OTUD7B: variants seen among roughly 807,000 people sequenced by gnomAD.
OTUD7B encodes OTU deubiquitinase 7B, also known as OTU domain-containing protein 7B.
Under a neutral mutation model 82.2 loss-of-function variants are expected in OTUD7B, and 34 were observed. The ratio of observed to expected loss-of-function variants is 0.41; its 90% confidence interval spans 0.31 to 0.55. The LOEUF (loss-of-function observed/expected upper bound fraction) is 0.55, where lower values mean the gene tolerates loss of function less well. Among genes scored for constraint, OTUD7B ranks in the 20% least tolerant of loss-of-function variants. The pLI is 0.20. For missense variants in OTUD7B, 944 were observed against 1,062.1 expected (o/e 0.89, Z 1.55); for synonymous variants, 398 against 402.7 (o/e 0.99, Z 0.14).
At chr1:149,962,536 T>C (rs1192776694) in intron 6 of OTUD7B, 1 of 152,190 alleles carries the variant, frequency 6.6e-6, no homozygotes, top group Admixed American at 6.5e-5. Flanking sequence ...TCTATGCATG[T>C]TGGGGACTTT....
At chr1:150,022,510 T>C in the OTUD7B span, among the ~76,000 whole-genome samples, 2 of 150,622 alleles carry the variant, frequency 1.3e-5, no homozygotes, top group East Asian at 3.9e-4. Context: ...AAAAGAGCCG[T>C]AACCACATGT....
chr1:150,039,259 T>C, the OTUD7B span, among the ~76,000 whole-genome samples: 1 of 152,216 alleles, frequency 6.6e-6, no homozygotes, highest in Non-Finnish European at 1.5e-5. Flanking sequence ...TCTCTCTTCA[T>C]ATGTCAAATT....
chr1:149,976,633 A>AAT (rs1176193849), intron 2 of OTUD7B, among the ~76,000 whole-genome samples: 1,354 of 102,410 alleles, frequency 0.013, 121 homozygotes, highest in African/African-American at 0.016. Context: ...AAAAAAAAAT[A>AAT]CTAGAACATT....
chr1:150,059,309 CCG>C, the OTUD7B span, among the ~76,000 whole-genome samples: 1 of 49,644 alleles, frequency 2.0e-5, no homozygotes, highest in African/African-American at 5.8e-5. Context: ...CCCCCCCCCC[CCG>C]CCTCCCAAAA....
At chr1:149,969,912 G>C (rs1047100561) in intron 3 of OTUD7B, among the ~76,000 whole-genome samples, 10 of 151,988 alleles carry the variant, frequency 6.6e-5, no homozygotes, top group African/African-American at 2.4e-4. Flanking sequence ...ATGTAGGCCA[G>C]GCTGGTCTCG....
intron 9 of OTUD7B, 123 bp from the exon 10 acceptor site, chr1:149,949,206 G>A (rs754700338): frequency 3.9e-5 from 25 of 642,172 alleles, no homozygotes; most frequent in African/African-American, 1.6e-4. Context: ...ATTCTTACAC[G>A]TGAATTACCC....
intron 1 of OTUD7B, among the ~76,000 whole-genome samples, chr1:149,993,665 A>G (rs1037859323): frequency 2.0e-5 from 3 of 152,232 alleles, no homozygotes; most frequent in African/African-American, 7.2e-5. Context: ...TTTTATGATA[A>G]TATCTAACCA....
intron 10 of OTUD7B, 35 bp from the exon 11 acceptor site, chr1:149,947,370 T>A: frequency 7.7e-7 from 1 of 1,292,400 alleles, no homozygotes; most frequent in Non-Finnish European, 1.1e-6. Flanking sequence ...TACTGTCACC[T>A]TTTAAAAGCA....
At chr1:150,053,662 C>A in the OTUD7B span, among the ~76,000 whole-genome samples, 4 of 152,112 alleles carry the variant, frequency 2.6e-5, no homozygotes, top group African/African-American at 9.7e-5. Flanking sequence ...TCCCAAAGTG[C>A]TTGGATTACA....
chr1:150,017,758 T>C, the OTUD7B span, among the ~76,000 whole-genome samples: 1 of 152,210 alleles, frequency 6.6e-6, no homozygotes, highest in African/African-American at 2.4e-5. Flanking sequence ...GGTTATTGCT[T>C]TGGGGCATTT....
At chr1:150,020,352 A>G in the OTUD7B span, among the ~76,000 whole-genome samples, 1 of 152,142 alleles carries the variant, frequency 6.6e-6, no homozygotes, top group Non-Finnish European at 1.5e-5. Flanking sequence ...CCTGAATAAC[A>G]TGGTGAAACC....
intron 1 of OTUD7B, among the ~76,000 whole-genome samples, chr1:149,992,895 A>T (rs1571712201): frequency 6.6e-6 from 1 of 152,278 alleles, no homozygotes; most frequent in East Asian, 1.9e-4. Flanking sequence ...TCACGCCTGT[A>T]ATCCCAACAC....
chr1:149,977,674 T>C (rs1164636020), intron 1 of OTUD7B, 98 bp from the exon 2 acceptor site: 2 of 565,882 alleles, frequency 3.5e-6, no homozygotes, highest in African/African-American at 3.7e-5. Context: ...GAAACTATCC[T>C]AGCTCATTCA....
intron 1 of OTUD7B, among the ~76,000 whole-genome samples, chr1:150,004,282 G>A (rs1165879164): frequency 1.3e-5 from 2 of 152,010 alleles, no homozygotes; most frequent in East Asian, 1.9e-4. Flanking sequence ...AAAGTTGACC[G>A]GGCACGGTGG....
At chr1:150,030,721 G>T in the OTUD7B span, among the ~76,000 whole-genome samples, 2 of 152,086 alleles carry the variant, frequency 1.3e-5, no homozygotes, top group African/African-American at 4.8e-5. Context: ...CTTGAATTGG[G>T]CTTCCATTTC....
chr1:150,058,103 C>A, the OTUD7B span, among the ~76,000 whole-genome samples: 1 of 152,132 alleles, frequency 6.6e-6, no homozygotes, highest in African/African-American at 2.4e-5. Context: ...GGAAAGAGAA[C>A]AAAAACTACT....
rs1559850282 is a variant in OTUD7B, at chr1:149,977,497, A to G, written c.14T>C (p.Met5Thr). The part of the protein sequence containing the change: MTLD[M>T]DAVLSDFVRS... ...GACAAAATCTGACAGAACAGCATCC[A>G]TGTCCAGGGTCATGTGATCCTCAAG... Residue 5 changes from methionine to threonine, a missense_variant, in exon 2 of 12, where the codon ATG (methionine) becomes ACG (threonine). Coordinates refer to ENST00000581312, the MANE Select transcript of OTUD7B (RefSeq NM_020205.4). The G allele has an allele frequency of 1.9e-6, 3 of 1,614,048 alleles. No homozygotes were observed. The highest frequency in any genetic ancestry group is 2.5e-6 in the Non-Finnish European group (3 of 1,179,902).
chr1:149,948,559 AC>A (rs1647937372), intron 10 of OTUD7B, among the ~76,000 whole-genome samples: 2 of 151,554 alleles, frequency 1.3e-5, no homozygotes, highest in South Asian at 4.2e-4. Context: ...TTTAGTAGAG[AC>A]GAGGTTTCAC....
intron 1 of OTUD7B, among the ~76,000 whole-genome samples, chr1:149,989,215 G>C (rs1651392436): frequency 6.6e-6 from 1 of 152,010 alleles, no homozygotes; most frequent in South Asian, 2.1e-4. Context: ...GCTCACACTT[G>C]TAATCTCAGC....
Sources: allele counts gnomAD v4.1 joint callset (sites outside exome capture counted in the v4.1 genomes callset), GRCh38; gene constraint gnomAD v4.1.1; transcripts MANE v1.5; gene names NCBI Gene and HGNC (gene_info 2026-07-23, HGNC 2026-07-21).